Variants in KLHL13 observed in about 807,000 individuals in gnomAD.
The protein encoded by KLHL13 is kelch like family member 13, also known as kelch-like protein 13.
KLHL13 carries 10 observed loss-of-function variants against 37.1 expected under a neutral mutation model. The ratio of observed to expected loss-of-function variants is 0.27; its 90% confidence interval spans 0.17 to 0.46. KLHL13 has a LOEUF of 0.46. Among genes scored for constraint, KLHL13 ranks in the 20% least tolerant of loss-of-function variants. The pLI, the probability that KLHL13 is intolerant of heterozygous loss-of-function variation, is 1.00. For missense variants in KLHL13, 360 were observed against 509.3 expected (o/e 0.71, Z 2.82); for synonymous variants, 163 against 181.2 (o/e 0.90, Z 0.81).
chrX:118,077,950 TAA>T (rs2054944621), intron 1 of KLHL13, among the ~76,000 whole-genome samples: 1 of 112,414 alleles, frequency 8.9e-6, no homozygotes, highest in Non-Finnish European at 1.9e-5. Context: ...GACATTATTA[TAA>T]GTTTTTTTCC....
intron 1 of KLHL13, among the ~76,000 whole-genome samples, chrX:118,021,749 A>G (rs2054217438): frequency 9.0e-6 from 1 of 111,104 alleles, no homozygotes. Flanking sequence ...TTGGGTATAT[A>G]CCCAGTAATA....
At chrX:118,066,425 A>T (rs1219501399) in intron 1 of KLHL13, among the ~76,000 whole-genome samples, 1 of 111,783 alleles carries the variant, frequency 8.9e-6, no homozygotes, top group Non-Finnish European at 1.9e-5. Context: ...TTTTCATAAC[A>T]TATTTATTTT....
chrX:118,071,720 C>T (rs1453904967), intron 1 of KLHL13, among the ~76,000 whole-genome samples: 1 of 106,901 alleles, frequency 9.4e-6, no homozygotes, highest in Non-Finnish European at 1.9e-5. Flanking sequence ...GAGTGAACTC[C>T]CATTCACAAT....
chrX:117,932,422 G>A (rs1041113570), intron 2 of KLHL13, among the ~76,000 whole-genome samples: 12 of 110,963 alleles, frequency 1.1e-4, no homozygotes, highest in Non-Finnish European at 2.3e-4. Context: ...AAATATGAGT[G>A]AGAACATGCA....
intron 1 of KLHL13, among the ~76,000 whole-genome samples, chrX:118,005,700 G>C (rs1424060111): frequency 9.0e-6 from 1 of 111,569 alleles, no homozygotes; most frequent in African/African-American, 3.3e-5. Context: ...CGCTGGGAAA[G>C]GCAAGGAAAC....
chrX:117,927,789 G>A (rs981142147), intron 2 of KLHL13, among the ~76,000 whole-genome samples: 2 of 111,685 alleles, frequency 1.8e-5, no homozygotes, highest in East Asian at 2.8e-4. Flanking sequence ...AAAATAAAGC[G>A]ACAGAAAACA....
At chrX:117,909,630 C>T in exon 5 of KLHL13, 1 of 1,211,587 alleles carries the variant, frequency 8.3e-7, no homozygotes, top group Non-Finnish European at 1.1e-6. Flanking sequence ...CAGCACTCCT[C>T]CTAGTGTAAC....
At chrX:118,003,968 G>A (rs2465941) in intron 1 of KLHL13, among the ~76,000 whole-genome samples, 3,131 of 110,855 alleles carry the variant, frequency 0.028, 127 homozygotes, top group African/African-American at 0.096. Flanking sequence ...GATGTGGTAC[G>A]GTGAAATGCA....
At chrX:117,903,621 CTCTCTCTCTCTCTCCT>C (rs781160081) in intron 5 of KLHL13, among the ~76,000 whole-genome samples, 1 of 110,578 alleles carries the variant, frequency 9.0e-6, no homozygotes, top group Non-Finnish European at 1.9e-5. Context: ...TTATTATTCT[CTCTCTCTCTCTCTCCT>C]TCTCTCTCTC....
At chrX:118,071,782 G>A (rs1328595249) in intron 1 of KLHL13, among the ~76,000 whole-genome samples, 2 of 102,307 alleles carry the variant, frequency 2.0e-5, no homozygotes, top group African/African-American at 7.2e-5. Flanking sequence ...GGGATGTGAA[G>A]GACCTCTTCA....
At chrX:118,114,750 A>T (rs1321451647) in intron 1 of KLHL13, among the ~76,000 whole-genome samples, 3 of 112,381 alleles carry the variant, frequency 2.7e-5, no homozygotes, top group Non-Finnish European at 5.6e-5. Context: ...GATAAGCAAT[A>T]GGCCTTACTT....
intron 1 of KLHL13, among the ~76,000 whole-genome samples, chrX:118,091,995 C>T (rs150587373): frequency 0.074 from 8,186 of 111,331 alleles, 256 homozygotes; most frequent in Middle Eastern, 0.13. Context: ...CACTCATATG[C>T]GGGAGCTAAG....
rs6646065 is a variant in KLHL13 at position 118,075,335 on chromosome X, C to G, written c.-56+41173G>C. On this transcript the variant is annotated intron_variant, in intron 1 of 6. Transcript: ENST00000371882. ...TTTTTATACTGATGATACTGGGGAG[C>G]CACTGAAATACTTTCAAGCAAGAGT... Among the ~76,000 whole-genome samples, 914 of 111,464 alleles carry G rather than the reference C, an allele frequency of 8.2e-3. 10 individuals carry two copies. The highest frequency in any genetic ancestry group is 0.026 in the African/African-American group (807 of 30,704).
intron 1 of KLHL13, chrX:118,028,491 T>C (rs1159943172): frequency 9.6e-7 from 1 of 1,046,147 alleles, no homozygotes; most frequent in Non-Finnish European, 1.3e-6. Context: ...AAAAGTTGGA[T>C]AATGACCTGT....
At chrX:118,049,917 T>C (rs1189609550) in intron 1 of KLHL13, among the ~76,000 whole-genome samples, 1 of 112,506 alleles carries the variant, frequency 8.9e-6, no homozygotes, top group African/African-American at 3.2e-5. Context: ...CAGCTTCCCT[T>C]CTATAGTCAC....
At chrX:118,076,750 A>G (rs773875264) in intron 1 of KLHL13, among the ~76,000 whole-genome samples, 1 of 111,056 alleles carries the variant, frequency 9.0e-6, no homozygotes, top group African/African-American at 3.3e-5. Context: ...CCCCCAAACA[A>G]GAAGACTGCC....
At chrX:118,007,731 G>C (rs1159626850) in intron 1 of KLHL13, among the ~76,000 whole-genome samples, 1 of 111,125 alleles carries the variant, frequency 9.0e-6, no homozygotes, top group African/African-American at 3.3e-5. Context: ...TGGATACAGA[G>C]GGCCTCAGGA....
At chrX:117,913,570 G>C (rs193128458) in intron 4 of KLHL13, among the ~76,000 whole-genome samples, 288 of 112,261 alleles carry the variant, frequency 2.6e-3, no homozygotes, top group Non-Finnish European at 4.5e-3. Context: ...ACAAGGCCGG[G>C]GGCGGTGGCT....
At chrX:117,927,327 G>A (rs936858921) in intron 2 of KLHL13, among the ~76,000 whole-genome samples, 2 of 112,264 alleles carry the variant, frequency 1.8e-5, no homozygotes, top group African/African-American at 6.5e-5. Context: ...TTGGTAGCAA[G>A]AGGAGTGACA....
Sources: gnomAD v4.1 joint callset for allele counts (sites outside exome capture counted in the v4.1 genomes callset) on GRCh38, gnomAD v4.1.1 for gene constraint, MANE v1.5 for transcripts, NCBI Gene and HGNC (gene_info 2026-07-23, HGNC 2026-07-21) for gene names.